The following USP50 variants were observed in gnomAD, a reference collection of about 807,000 sequenced individuals.
USP50 encodes ubiquitin carboxyl-terminal hydrolase 50.
USP50 carries 37 observed loss-of-function variants against 39.2 expected under a neutral mutation model. That is an observed-to-expected ratio of 0.94 (90% CI 0.73 to 1.24). The LOEUF is 1.24. USP50 is among the 50% of genes most tolerant of loss of function. The pLI is 0.00. For missense variants in USP50, 374 were observed against 398.2 expected, an observed-to-expected ratio of 0.94 and a Z score of 0.52; for synonymous variants, 139 against 144.5, an observed-to-expected ratio of 0.96 and a Z score of 0.27.
rs1566912898 is a variant in USP50 at position 50,543,710 on chromosome 15, AT to A, written c.331del (p.Ile111TyrfsTer25). On this transcript the variant is annotated frameshift_variant, in exon 3 of 7. Transcript: ENST00000532404. LOFTEE classifies it high-confidence loss of function. ...LGDSDCVSPEIFWSALGNLYP... is the reference protein window; with the variant it reads ...LGDSDCVSPEXFWSALGNLYP... Reference sequence around the variant, plus strand: ...GAGGTTGCCAAGAGCTGACCAGAATATTTCTGGTGAGACACAGTCTGAGTCT... The same window carrying A: ...GAGGTTGCCAAGAGCTGACCAGAATATTCTGGTGAGACACAGTCTGAGTCT... 1 of 1,612,052 alleles carries A rather than the reference AT, an allele frequency of 6.2e-7. No homozygotes were observed. Among genetic ancestry groups the A allele is most frequent in the South Asian group, 1.1e-5 (1 of 90,640 alleles).
At chr15:50,541,338 C>G in intron 3 of USP50, 74 bp from the exon 4 acceptor site, 1 of 1,326,652 alleles carries the variant, frequency 7.5e-7, no homozygotes, top group Non-Finnish European at 1.0e-6. Flanking sequence ...ATGGTGAGAT[C>G]CCATCTCTAC....
chr15:50,504,610 T>C (rs2052632843), intron 6 of USP50: 2 of 152,174 alleles, frequency 1.3e-5, no homozygotes, highest in Non-Finnish European at 2.9e-5. Context: ...AAAGGGATCC[T>C]GGAACCAACT....
At chr15:50,546,036 AAAC>A (rs1273353175) in intron 1 of USP50, among the ~76,000 whole-genome samples, 1 of 151,576 alleles carries the variant, frequency 6.6e-6, no homozygotes, top group African/African-American at 2.4e-5. Flanking sequence ...TGAGGGTTCC[AAAC>A]GGGACCTCCT....
Position 50,543,741 on chromosome 15 carries a change from G to T in USP50, c.301C>A (p.Leu101Met), listed in dbSNP as rs1367650197. ...AFAYLMTDMW[L>M]GDSDCVSPEI... is the part of the protein sequence containing the mutation. ...GGTGAGACACAGTCTGAGTCTCCCA[G>T]CCACATGTCTGTCATCAGATAGGCA... The change falls in exon 3 of 7, where the codon CTG becomes ATG. Residue 101 changes from leucine (L) to methionine (M), a missense_variant. Physicochemically the swap from Leu to Met is conservative, Grantham distance 15 (BLOSUM62 2). Coordinates refer to ENST00000532404, the MANE Select transcript of USP50 (RefSeq NM_203494.5). 3.1e-6 allele frequency: 5 copies of T among 1,610,410 alleles called. No homozygotes were observed. In the African/African-American group the frequency reaches 6.7e-5, roughly 22 times the overall value.
downstream of USP50, chr15:50,497,074 G>GT (rs776371682): frequency 3.9e-5 from 62 of 1,585,668 alleles, no homozygotes; most frequent in Middle Eastern, 1.8e-4. Context: ...TCTGCTACTT[G>GT]TTTTTTTCTG....
chr15:50,495,813 ATAT>A, downstream of USP50: 5 of 1,495,848 alleles, frequency 3.3e-6, no homozygotes, highest in Non-Finnish European at 3.7e-6. Flanking sequence ...TTTCTTTGAG[ATAT>A]TAATATAGAG....
chr15:50,498,801 C>A, downstream of USP50: 1 of 1,550,880 alleles, frequency 6.4e-7, no homozygotes, highest in South Asian at 1.2e-5. Context: ...GGTTTCCTAC[C>A]TCATGGAAGA....
chr15:50,498,874 GAT>G, downstream of USP50: 2 of 1,564,466 alleles, frequency 1.3e-6, no homozygotes, highest in South Asian at 2.4e-5. Flanking sequence ...TAACTGAATT[GAT>G]TTTTTTTTCT....
intron 6 of USP50, among the ~76,000 whole-genome samples, chr15:50,518,188 A>G (rs2052818027): frequency 1.3e-5 from 2 of 151,256 alleles, no homozygotes; most frequent in South Asian, 2.1e-4. Context: ...AAATACATGT[A>G]TTTACAGCCA....
chr15:50,544,887 G>T, intron 1 of USP50, 106 bp from the exon 2 acceptor site: 1 of 1,102,572 alleles, frequency 9.1e-7, no homozygotes, highest in Non-Finnish European at 1.3e-6. Flanking sequence ...TTCTTAATAA[G>T]ACTTCCTCCA....
At position 50,546,372 on chromosome 15, in the gene USP50, G is replaced by A. The variant is rs569759629; in HGVS notation, c.53+101C>T. 9 of 1,300,238 alleles carry A rather than the reference G, an allele frequency of 6.9e-6. No individual in the cohort carries two copies. The South Asian group carries it at 1.1e-4, about 16-fold the overall frequency. The allele number at this position is 1,300,238 out of a possible 1,614,324, so 80.5% of individuals were successfully genotyped here. On this transcript the variant is annotated intron_variant, in intron 1 of 6. Coordinates refer to ENST00000532404, the MANE Select transcript of USP50 (RefSeq NM_203494.5). ...CGGGGACCTTCCATGGGTCACACCTGGGAGAACCCTCCTGAATGCAGTGTG... is the reference window on the plus strand; with the variant it reads ...CGGGGACCTTCCATGGGTCACACCTAGGAGAACCCTCCTGAATGCAGTGTG...
chr15:50,500,556 T>C (rs763754399), downstream of USP50: 14 of 490,456 alleles, frequency 2.9e-5, no homozygotes, highest in Non-Finnish European at 4.8e-5. Context: ...ATGTTAATGA[T>C]GCAAGTAAGT....
In USP50 at chr15:50,500,808, G is replaced by C; in HGVS notation, c.966C>G (p.His322Gln). The C allele has an allele frequency of 6.3e-7, 1 of 1,589,380 alleles. No individual in the cohort carries two copies. Among genetic ancestry groups the C allele is most frequent in the Non-Finnish European group, 8.6e-7 (1 of 1,167,328 alleles). Residue 322 changes from histidine (H) to glutamine (Q), a missense_variant, in exon 7 of 7, where the codon CAC (histidine) becomes CAG (glutamine). Coordinates refer to ENST00000532404, the MANE Select transcript of USP50 (RefSeq NM_203494.5). ...CTGAATTCTTGCAGAAAGCAGTGTA[G>C]TGGCCACCATCCAAATCACCAAAAT... Reference protein sequence around the residue: ...VNHFGDLDGGHYTAFCKNSVT... With the variant: ...VNHFGDLDGGQYTAFCKNSVT...
At position 50,538,858 on chromosome 15, in the gene USP50, A is replaced by G; in HGVS notation, c.661-7T>C. On this transcript the variant is annotated splice_polypyrimidine_tract_variant and splice_region_variant and intron_variant, in intron 4 of 6. Transcript: ENST00000532404. ...AAAAACATTGGAGACAGTCCTGTTAAGGAAAAAAAGGATTTGGTGACCAAA... is the reference window on the plus strand; with the variant it reads ...AAAAACATTGGAGACAGTCCTGTTAGGGAAAAAAAGGATTTGGTGACCAAA... The G allele has an allele frequency of 6.3e-7, 1 of 1,589,070 alleles. No individual in the cohort carries two copies. The highest frequency in any genetic ancestry group is 8.6e-7 in the Non-Finnish European group (1 of 1,169,298).
chr15:50,507,682 G>A (rs1456048043), intron 6 of USP50: 1 of 152,104 alleles, frequency 6.6e-6, no homozygotes, highest in East Asian at 1.9e-4. Context: ...TGATCAAGCA[G>A]ACAAAAATAT....
At chr15:50,529,410 C>T (rs996558632) in intron 6 of USP50, among the ~76,000 whole-genome samples, 1 of 151,368 alleles carries the variant, frequency 6.6e-6, no homozygotes. Context: ...TGGGGAGGAT[C>T]AGTTGAGTTG....
chr15:50,536,781 A>C (rs2052983657), intron 5 of USP50, among the ~76,000 whole-genome samples: 1 of 152,192 alleles, frequency 6.6e-6, no homozygotes, highest in East Asian at 1.9e-4. Flanking sequence ...GAAAATTCTC[A>C]TGAAAGAAAT....
intron 3 of USP50, among the ~76,000 whole-genome samples, chr15:50,542,467 T>TG (rs2053037066): frequency 1.3e-5 from 2 of 150,466 alleles, no homozygotes; most frequent in Non-Finnish European, 2.9e-5. Context: ...TTTTTGTTTT[T>TG]TTTTTTCCTT....
At chr15:50,527,674 C>A (rs138401606) in intron 6 of USP50, among the ~76,000 whole-genome samples, 1 of 150,816 alleles carries the variant, frequency 6.6e-6, no homozygotes, top group African/African-American at 2.4e-5. Context: ...GAGTCTCACT[C>A]GCTCAGGCTA....
Sources: gnomAD v4.1 joint callset for allele counts (sites outside exome capture counted in the v4.1 genomes callset) on GRCh38, gnomAD v4.1.1 for gene constraint, MANE v1.5 for transcripts, NCBI Gene and HGNC (gene_info 2026-07-23, HGNC 2026-07-21) for gene names.